The following INPP4A variants were observed in gnomAD, a reference collection of about 807,000 sequenced individuals.
INPP4A encodes the protein inositol polyphosphate-4-phosphatase, type I, 107kD.
A neutral mutation model predicts 119.8 loss-of-function variants in INPP4A; 33 were observed. That is an observed-to-expected ratio of 0.28 (90% CI 0.21 to 0.37). The LOEUF is 0.37. Ranked by LOEUF, INPP4A falls within the 10% of genes least tolerant of loss-of-function variation. The pLI is 1.00. For missense variants in INPP4A, 956 were observed against 1,289.9 expected, an observed-to-expected ratio of 0.74 and a Z score of 3.97; for synonymous variants, 496 against 500.7, an observed-to-expected ratio of 0.99 and a Z score of 0.12.
chr2:98,554,895 G>A lies in INPP4A; in HGVS notation c.1566+406G>A, dbSNP rs891670534. Among the ~76,000 whole-genome samples the A allele has an allele frequency of 6.6e-6, 1 of 152,148 alleles. No homozygotes were observed. The highest frequency in any genetic ancestry group is 3.2e-3 in the Middle Eastern group (1 of 316). ...GGGGACGTGGGAGCTCTGGTGCTGG[G>A]GCAAGTAGATATGGATTTTGGAGCT... On this transcript the variant is annotated intron_variant, in intron 15 of 24. Transcript: ENST00000409851. This position sits in a 1 kb window ranked among gnomAD's most constrained non-coding sequence, Gnocchi z 4.7.
chr2:98,567,182 G>T lies in INPP4A; in HGVS notation c.2420+1013G>T, dbSNP rs980804737. Among the ~76,000 whole-genome samples the T allele has an allele frequency of 3.9e-5, 6 of 152,180 alleles. No homozygotes were observed. The East Asian group carries it at 7.7e-4, about 20-fold the overall frequency. On this transcript the variant is annotated intron_variant, in intron 21 of 24. Transcript: ENST00000409851. Reference sequence around the variant, plus strand: ...TGTGAGGAGGAGGCTGCTGGGAGGAGTCCAGGCCAGAGGTGGGAACCTGGA... The same window carrying T: ...TGTGAGGAGGAGGCTGCTGGGAGGATTCCAGGCCAGAGGTGGGAACCTGGA...
At chr2:98,462,449 A>AAAAT (rs749250455) in intron 1 of INPP4A, among the ~76,000 whole-genome samples, 21 of 152,322 alleles carry the variant, frequency 1.4e-4, no homozygotes, top group African/African-American at 5.1e-4. Flanking sequence ...CTCTGTCTCA[A>AAAAT]AAATAAATAA....
At chr2:98,482,264 A>G (rs375101402) in intron 1 of INPP4A, among the ~76,000 whole-genome samples, 1 of 152,216 alleles carries the variant, frequency 6.6e-6, no homozygotes, top group East Asian at 1.9e-4. Context: ...TGGTTCCCAC[A>G]TTATTGGGCT....
intron 11 of INPP4A, among the ~76,000 whole-genome samples, chr2:98,544,843 G>T (rs1692184825): frequency 6.6e-6 from 1 of 152,200 alleles, no homozygotes; most frequent in Non-Finnish European, 1.5e-5. Context: ...CTAACAAGGA[G>T]GTGTTGCTTA....
intron 4 of INPP4A, among the ~76,000 whole-genome samples, chr2:98,525,267 G>C (rs1687979201): frequency 6.6e-6 from 1 of 152,044 alleles, no homozygotes; most frequent in East Asian, 1.9e-4. Context: ...CAGGTCTAGT[G>C]CCTTCCATGC....
chr2:98,451,892 C>G (rs1054250648), intron 1 of INPP4A, among the ~76,000 whole-genome samples: 2 of 152,100 alleles, frequency 1.3e-5, no homozygotes, highest in Non-Finnish European at 2.9e-5. Context: ...CAAGCTTCTC[C>G]CTGGATTATG....
chr2:98,478,546 T>G (rs371756597), intron 1 of INPP4A, among the ~76,000 whole-genome samples: 6 of 152,228 alleles, frequency 3.9e-5, no homozygotes, highest in African/African-American at 1.4e-4. Context: ...TGATCCCTAG[T>G]TAGTGGAGTT....
chr2:98,590,611 G>A lies in INPP4A; in HGVS notation c.*3003G>A, dbSNP rs779051503. ...CATCTCTGTGGGTAACCCAGTCCTC[G>A]TTGTATGACTTGTCAAAATGCAGTT... On this transcript the variant is annotated 3_prime_UTR_variant, in exon 25 of 25. Transcript: ENST00000409851. The A allele has an allele frequency of 3.5e-5, 7 of 202,638 alleles. No homozygotes were observed. Among genetic ancestry groups the A allele is most frequent in the African/African-American group, 6.9e-5 (3 of 43,574 alleles). 12.6% of individuals were successfully genotyped at this position (202,638 alleles called of 1,614,324 possible).
In INPP4A at chr2:98,555,481, C is replaced by T. The variant is rs913041921; in HGVS notation, c.1567-72C>T. On this transcript the variant is annotated intron_variant, in intron 15 of 24. Transcript: ENST00000409851. Reference sequence around the variant, plus strand: ...CCTAGGGCAGGGGATCAGTGGAGGGCGATTTGGTTTGTGTTATGTTTGTGT... The same window carrying T: ...CCTAGGGCAGGGGATCAGTGGAGGGTGATTTGGTTTGTGTTATGTTTGTGT... The T allele has an allele frequency of 1.8e-5, 27 of 1,498,268 alleles. 1 individual carries two copies. Among genetic ancestry groups the T allele is most frequent in the South Asian group, 2.7e-5 (2 of 74,800 alleles). 92.8% of individuals were successfully genotyped at this position (1,498,268 alleles called of 1,614,324 possible).
At chr2:98,558,928 G>A (rs547226515) in intron 16 of INPP4A, among the ~76,000 whole-genome samples, 15 of 152,048 alleles carry the variant, frequency 9.9e-5, no homozygotes, top group Non-Finnish European at 2.1e-4. Context: ...TTGGCATAGA[G>A]TTTTTTTTGG....
chr2:98,494,284 C>T (rs1380327917), intron 1 of INPP4A, among the ~76,000 whole-genome samples: 1 of 152,210 alleles, frequency 6.6e-6, no homozygotes, highest in African/African-American at 2.4e-5. Flanking sequence ...ATGTGGCTAG[C>T]CCCTACTCAT....
At position 98,520,101 on chromosome 2, in the gene INPP4A, A is replaced by C. The variant is rs1041762454; in HGVS notation, c.53A>C (p.Gln18Pro). Residue 18 changes from glutamine to proline, a missense_variant, in exon 3 of 25, where the codon CAG becomes CCG. By Grantham distance (76) the Gln-to-Pro change is moderately conservative. This residue lies in a region of INPP4A where 652 missense variants were observed against 797.9 expected (regional missense o/e 0.82). Coordinates refer to ENST00000409851, the MANE Select transcript of INPP4A (RefSeq NM_001134225.2). ...CATGGTGCCAGGGCCCGTGCAATGC[A>C]GCGGGCTTCCACCATCGACGTGGCG... ...PRHGARARAM[Q>P]RASTIDVAAD... 7.0e-6 allele frequency: 11 copies of C among 1,577,990 alleles called. No individual in the cohort carries two copies. The highest frequency in any genetic ancestry group is 2.3e-5 in the East Asian group (1 of 43,044).
intron 3 of INPP4A, 143 bp from the exon 4 acceptor site, chr2:98,520,544 A>G: frequency 1.5e-6 from 1 of 673,732 alleles, no homozygotes; most frequent in Admixed American, 3.0e-5. Context: ...CTCAAAAACA[A>G]AATATTTTTA....
At chr2:98,540,277 T>C (rs1349109651) in intron 10 of INPP4A, among the ~76,000 whole-genome samples, 2 of 152,170 alleles carry the variant, frequency 1.3e-5, no homozygotes, top group Non-Finnish European at 2.9e-5. Context: ...CTTCAGAAAG[T>C]TAGAAATAAC....
chr2:98,555,180 T>A (rs1352487108), intron 15 of INPP4A, among the ~76,000 whole-genome samples: 1 of 152,160 alleles, frequency 6.6e-6, no homozygotes, highest in Non-Finnish European at 1.5e-5. Flanking sequence ...TTCTGTTCCC[T>A]TCTATCAAAA....
intron 5 of INPP4A, 44 bp downstream of exon 5, chr2:98,533,539 C>G (rs894566277): frequency 3.5e-6 from 4 of 1,131,892 alleles, no homozygotes; most frequent in East Asian, 2.4e-5. Flanking sequence ...GGGACATGCT[C>G]TAGTGGTGTC....
At position 98,589,986 on chromosome 2, in the gene INPP4A, C is replaced by G. The variant is rs1700280854; in HGVS notation, c.*2378C>G. 2 of 192,592 alleles carry G rather than the reference C, an allele frequency of 1.0e-5. No homozygotes were observed. The highest frequency in any genetic ancestry group is 2.2e-5 in the Non-Finnish European group (2 of 92,354). The allele number at this position is 192,592 out of a possible 1,614,324, so 11.9% of individuals were successfully genotyped here. ...TTTGTCCCTACACAATTGTATTTGC[C>G]AAGCTTAGTGCATTATGATACCTTT... On this transcript the variant is annotated 3_prime_UTR_variant, in exon 25 of 25. Transcript: ENST00000409851.
chr2:98,582,442 C>T (rs1326945085), intron 24 of INPP4A, among the ~76,000 whole-genome samples: 1 of 151,556 alleles, frequency 6.6e-6, no homozygotes, highest in Non-Finnish European at 1.5e-5. Context: ...CTACTGCATA[C>T]GCCAGACACA....
intron 24 of INPP4A, among the ~76,000 whole-genome samples, chr2:98,584,849 C>T (rs1326687721): frequency 6.6e-6 from 1 of 152,242 alleles, no homozygotes; most frequent in Non-Finnish European, 1.5e-5. Context: ...AGGCCTTTTA[C>T]TCATGAAATC....
Sources: gnomAD v4.1 joint callset for allele counts (sites outside exome capture counted in the v4.1 genomes callset) on GRCh38, gnomAD v4.1.1 for gene constraint, gnomAD v4.1.1 regional missense constraint, Gnocchi (gnomAD v3.1) non-coding constraint, MANE v1.5 for transcripts, NCBI Gene and HGNC (gene_info 2026-07-23, HGNC 2026-07-21) for gene names.